ACKR2: variants seen among roughly 807,000 people sequenced by gnomAD.
ACKR2 encodes C-C chemokine receptor D6.
For missense variants in ACKR2, 457 were observed against 477.3 expected, an observed-to-expected ratio of 0.96 and a Z score of 0.40; for synonymous variants, 207 against 192.2, an observed-to-expected ratio of 1.08 and a Z score of -0.64.
intron 2 of ACKR2, among the ~76,000 whole-genome samples, chr3:42,858,912 A>G (rs1006005063): frequency 1.3e-5 from 2 of 151,954 alleles, no homozygotes; most frequent in Admixed American, 6.6e-5. Context: ...AATCAAGCAG[A>G]AGAAAGGATA....
In ACKR2 at chr3:42,865,878, T is replaced by TCTTC. The variant is rs1370670335; in HGVS notation, c.*233_*236dup. ...TTCTTTTCTGAATTGCTACAATCTT[T>TCTTC]CTTCCTTCCTTCCTTGCTTCCTTCC... On this transcript the variant is annotated 3_prime_UTR_variant, in exon 3 of 3. Coordinates refer to ENST00000422265, the MANE Select transcript of ACKR2 (RefSeq NM_001296.5). 4 of 515,000 alleles carry TCTTC rather than the reference T, an allele frequency of 7.8e-6. No homozygotes were observed. The highest frequency in any genetic ancestry group is 1.4e-5 in the Non-Finnish European group (4 of 285,074). 31.9% of individuals were successfully genotyped at this position (515,000 alleles called of 1,614,324 possible). A position where few individuals can be genotyped will look rare whatever the true frequency, so the allele number is the denominator to read the frequency against.
chr3:42,841,050 C>G (rs1309234908), intron 2 of ACKR2, among the ~76,000 whole-genome samples: 1 of 152,086 alleles, frequency 6.6e-6, no homozygotes, highest in Non-Finnish European at 1.5e-5. Flanking sequence ...TCTGGTGAAG[C>G]CTATGGGGCC....
At chr3:42,848,048 A>T (rs1701115877) in intron 2 of ACKR2, among the ~76,000 whole-genome samples, 2 of 152,026 alleles carry the variant, frequency 1.3e-5, no homozygotes, top group African/African-American at 4.8e-5. Context: ...TCTCATTAGG[A>T]AAAGCAGCTT....
intron 2 of ACKR2, among the ~76,000 whole-genome samples, chr3:42,855,152 C>G (rs566574799): frequency 2.6e-4 from 40 of 152,272 alleles, no homozygotes; most frequent in African/African-American, 9.4e-4. Context: ...CCACCACACC[C>G]AGCCTTCAAT....
At chr3:42,836,937 C>T (rs1242700296) in intron 2 of ACKR2, among the ~76,000 whole-genome samples, 9 of 152,334 alleles carry the variant, frequency 5.9e-5, no homozygotes, top group Admixed American at 3.9e-4. Flanking sequence ...CTCTGATCAC[C>T]GTGTTTCTCT....
intron 2 of ACKR2, among the ~76,000 whole-genome samples, chr3:42,824,506 C>G (rs1700842354): frequency 6.6e-6 from 1 of 152,174 alleles, no homozygotes; most frequent in South Asian, 2.1e-4. Context: ...GCTGTCACTT[C>G]CATCTCCACA....
At chr3:42,850,261 G>T (rs1701139402) in intron 2 of ACKR2, among the ~76,000 whole-genome samples, 1 of 152,080 alleles carries the variant, frequency 6.6e-6, no homozygotes, top group Non-Finnish European at 1.5e-5. Flanking sequence ...GTCCATTCTT[G>T]GTAGCCTGTG....
intron 2 of ACKR2, among the ~76,000 whole-genome samples, chr3:42,821,106 G>A (rs987738149): frequency 2.0e-5 from 3 of 152,012 alleles, no homozygotes; most frequent in Admixed American, 6.6e-5. Flanking sequence ...GGCTAGTCTC[G>A]AACGCCTGAC....
At chr3:42,829,614 G>T (rs1700909140) in intron 2 of ACKR2, among the ~76,000 whole-genome samples, 1 of 152,142 alleles carries the variant, frequency 6.6e-6, no homozygotes, top group Non-Finnish European at 1.5e-5. Context: ...CCGTGGAGTT[G>T]TACCCTCTCT....
intron 2 of ACKR2, among the ~76,000 whole-genome samples, chr3:42,857,404 G>A (rs1039542141): frequency 7.9e-5 from 12 of 152,106 alleles, no homozygotes; most frequent in African/African-American, 2.7e-4. Flanking sequence ...AGGGGCTGGT[G>A]GGGAGATGAT....
At chr3:42,839,670 C>T (rs1242720424) in intron 2 of ACKR2, among the ~76,000 whole-genome samples, 4 of 152,058 alleles carry the variant, frequency 2.6e-5, no homozygotes, top group Non-Finnish European at 4.4e-5. Flanking sequence ...ACTGGAAAGG[C>T]GCACAAAGTG....
intron 2 of ACKR2, chr3:42,839,030 A>G (rs767526652): frequency 7.9e-5 from 12 of 152,204 alleles, no homozygotes; most frequent in African/African-American, 2.4e-4. Flanking sequence ...ATGTTTTACT[A>G]TGACAGCTTT....
chr3:42,850,291 T>C (rs939499423), intron 2 of ACKR2, among the ~76,000 whole-genome samples: 5 of 152,098 alleles, frequency 3.3e-5, no homozygotes, highest in Non-Finnish European at 5.9e-5. Context: ...GAAAGGCAAA[T>C]GTCTAAGTCC....
chr3:42,842,985 C>CAA (rs199716542), intron 2 of ACKR2, among the ~76,000 whole-genome samples: 3 of 80,834 alleles, frequency 3.7e-5, no homozygotes, highest in East Asian at 5.4e-4. Context: ...ACTCTGTCTC[C>CAA]AAAAAAAAAA....
At chr3:42,862,148 T>C (rs558183573) in intron 2 of ACKR2, among the ~76,000 whole-genome samples, 1 of 152,358 alleles carries the variant, frequency 6.6e-6, no homozygotes. Context: ...CTTAAGCTGA[T>C]AAGCAACTTC....
chr3:42,860,996 A>C (rs2088379386), intron 2 of ACKR2, among the ~76,000 whole-genome samples: 1 of 152,218 alleles, frequency 6.6e-6, no homozygotes, highest in South Asian at 2.1e-4. Context: ...AGCAGAAGAC[A>C]AGAAATAACT....
intron 2 of ACKR2, among the ~76,000 whole-genome samples, chr3:42,846,279 G>T (rs1382346418): frequency 6.6e-6 from 1 of 152,196 alleles, no homozygotes; most frequent in South Asian, 2.1e-4. Context: ...TGAAGGGGTG[G>T]TCAGGCAAGG....
At chr3:42,862,629 C>T (rs1032391709) in intron 2 of ACKR2, among the ~76,000 whole-genome samples, 5 of 152,178 alleles carry the variant, frequency 3.3e-5, no homozygotes, top group South Asian at 2.1e-4. Context: ...TCTACAGTAA[C>T]GAAAACAGCA....
In ACKR2 at chr3:42,865,882, CCTTCCTTCCTTG is replaced by C. The variant is rs1324422665; in HGVS notation, c.*237_*248del. 4.1e-5 allele frequency: 20 copies of C among 487,112 alleles called. No individual in the cohort carries two copies. Among genetic ancestry groups the C allele is most frequent in the Non-Finnish European group, 7.5e-5 (20 of 267,810 alleles). The allele number at this position is 487,112 out of a possible 1,614,324, so 30.2% of individuals were successfully genotyped here. On this transcript the variant is annotated 3_prime_UTR_variant, in exon 3 of 3. Coordinates refer to ENST00000422265, the MANE Select transcript of ACKR2 (RefSeq NM_001296.5). ...TTTCTGAATTGCTACAATCTTTCTT[CCTTCCTTCCTTG>C]CTTCCTTCCTTCCTTCCTTCCCTCT...
Sources: gnomAD v4.1 joint callset for allele counts (sites outside exome capture counted in the v4.1 genomes callset) on GRCh38, gnomAD v4.1.1 for gene constraint, MANE v1.5 for transcripts, NCBI Gene and HGNC (gene_info 2026-07-23, HGNC 2026-07-21) for gene names.